The following SPATA31F3 variants were observed in gnomAD, a reference collection of about 807,000 sequenced individuals.
The protein encoded by SPATA31F3 is SPATA31 subfamily F member 3, also known as protein SPATA31F3.
At chr9:34,892,146 T>A in the SPATA31F3 span, among the ~76,000 whole-genome samples, 6 of 152,180 alleles carry the variant, frequency 3.9e-5, no homozygotes, top group African/African-American at 1.4e-4. Context: ...GAGGCCTCAG[T>A]GCATCCTCTA....
chr9:34,894,986 G>A, the SPATA31F3 span: 263 of 398,400 alleles, frequency 6.6e-4, no homozygotes, highest in Non-Finnish European at 9.1e-4. Context: ...GTCAGGATCC[G>A]TGGGAACCTC....
the SPATA31F3 span, chr9:34,892,822 G>T: frequency 1.5e-6 from 1 of 679,418 alleles, no homozygotes. Context: ...AGGAATCTTG[G>T]ACGCTGTCTG....
the SPATA31F3 span, chr9:34,889,089 T>C: frequency 2.5e-6 from 1 of 398,482 alleles, no homozygotes; most frequent in East Asian, 3.6e-5. Flanking sequence ...ACAAAGTATA[T>C]TTGGAGAATG....
the SPATA31F3 span, among the ~76,000 whole-genome samples, chr9:34,891,519 T>C: frequency 6.6e-6 from 1 of 152,176 alleles, no homozygotes; most frequent in Non-Finnish European, 1.5e-5. Context: ...AAGACCCACA[T>C]AGGTCAGGGC....
chr9:34,895,064 T>C, the SPATA31F3 span: 1 of 398,422 alleles, frequency 2.5e-6, no homozygotes, highest in African/African-American at 2.1e-5. Context: ...CTCCAGACTT[T>C]TGTTGGACTC....
the SPATA31F3 span, chr9:34,894,519 A>G: frequency 2.5e-6 from 1 of 398,614 alleles, no homozygotes; most frequent in Non-Finnish European, 4.4e-6. Flanking sequence ...AACAGAAGAT[A>G]GTGAGTGTTA....
chr9:34,889,130 G>A, the SPATA31F3 span: 2 of 398,608 alleles, frequency 5.0e-6, no homozygotes, highest in Non-Finnish European at 8.8e-6. Flanking sequence ...AATGGAAATG[G>A]CAATGAAAGC....
the SPATA31F3 span, chr9:34,893,103 C>T: frequency 2.1e-5 from 19 of 892,530 alleles, no homozygotes; most frequent in South Asian, 3.9e-4. Flanking sequence ...CAGCAGGGGT[C>T]TGCACACAGG....
At chr9:34,893,369 G>A in the SPATA31F3 span, among the ~76,000 whole-genome samples, 1 of 152,110 alleles carries the variant, frequency 6.6e-6, no homozygotes, top group African/African-American at 2.4e-5. Flanking sequence ...GGGAGGCTGA[G>A]GTGGATGGAT....
At chr9:34,892,857 G>C in the SPATA31F3 span, 2 of 698,850 alleles carry the variant, frequency 2.9e-6, no homozygotes, top group Admixed American at 4.0e-5. Flanking sequence ...GCAGCTGACT[G>C]GGTTAAAGAT....
At chr9:34,889,538 AAGG>A in the SPATA31F3 span, 1 of 398,572 alleles carries the variant, frequency 2.5e-6, no homozygotes, top group Non-Finnish European at 4.4e-6. Context: ...CAGCCTTAGA[AAGG>A]AGAATGGATT....
At chr9:34,889,556 A>G in the SPATA31F3 span, 1 of 398,544 alleles carries the variant, frequency 2.5e-6, no homozygotes, top group East Asian at 3.6e-5. Flanking sequence ...TGGATTCCTC[A>G]TGCCTTCGAT....
chr9:34,895,520 C>G, the SPATA31F3 span: 1 of 398,358 alleles, frequency 2.5e-6, no homozygotes, highest in Admixed American at 4.4e-5. Context: ...AGAGAAAGCT[C>G]GGGGATAAAA....
chr9:34,891,656 G>A, the SPATA31F3 span, among the ~76,000 whole-genome samples: 4 of 152,180 alleles, frequency 2.6e-5, no homozygotes, highest in African/African-American at 9.7e-5. Flanking sequence ...TCCTGGAGGT[G>A]GAATCCTAGC....
chr9:34,894,495 C>A, the SPATA31F3 span: 1 of 398,624 alleles, frequency 2.5e-6, no homozygotes, highest in Non-Finnish European at 4.4e-6. Context: ...CTGTGAAGTT[C>A]TCCTAGCTGA....
At chr9:34,894,913 CT>C in the SPATA31F3 span, 1 of 397,002 alleles carries the variant, frequency 2.5e-6, no homozygotes, top group South Asian at 1.4e-4. Context: ...GAAATTGTCC[CT>C]GGGGGGTACT....
chr9:34,889,755 C>T, the SPATA31F3 span: 3 of 397,082 alleles, frequency 7.6e-6, no homozygotes, highest in African/African-American at 2.1e-5. Flanking sequence ...AAAACATGGC[C>T]CTGAACTATT....
chr9:34,895,521 G>A, the SPATA31F3 span: 52 of 398,332 alleles, frequency 1.3e-4, no homozygotes, highest in African/African-American at 7.4e-4. Flanking sequence ...GAGAAAGCTC[G>A]GGGATAAAAT....
chr9:34,890,147 C>CT, the SPATA31F3 span, among the ~76,000 whole-genome samples: 2 of 152,194 alleles, frequency 1.3e-5, no homozygotes, highest in Non-Finnish European at 1.5e-5. Flanking sequence ...AAGAAAGATC[C>CT]TGGAGATATA....
Sources: gnomAD v4.1 joint callset for allele counts (sites outside exome capture counted in the v4.1 genomes callset) on GRCh38, gnomAD v4.1.1 for gene constraint, MANE v1.5 for transcripts, NCBI Gene and HGNC (gene_info 2026-07-23, HGNC 2026-07-21) for gene names.